The following METTL5 variants were observed in gnomAD, a reference collection of about 807,000 sequenced individuals.
METTL5 encodes methyltransferase 5, N6-adenosine, also known as rRNA N(6)-adenosine-methyltransferase METTL5.
METTL5 carries 28 observed loss-of-function variants against 26.5 expected under a neutral mutation model. The ratio of observed to expected loss-of-function variants is 1.06; its 90% CI spans 0.78 to 1.45. The LOEUF is 1.45. METTL5 is among the 40% of genes most tolerant of loss of function. METTL5 has a pLI of 0.00. For missense variants in METTL5, 231 were observed against 249.9 expected (o/e 0.92, Z 0.51); for synonymous variants, 86 against 82.6 (o/e 1.04, Z -0.22).
At position 169,824,600 on chromosome 2, in the gene METTL5, T is replaced by A. The variant is rs2081628557; in HGVS notation, c.-3A>T. 1 of 1,608,870 alleles carries A rather than the reference T, an allele frequency of 6.2e-7. No homozygotes were observed. The highest frequency in any genetic ancestry group is 1.7e-5 in the Admixed American group (1 of 60,008). ...TCCTTAAGCCTTACTTTCTTCATTT[T>A]GTTTTAAAGTATGGACTCGTAGGGT... On this transcript the variant is annotated 5_prime_UTR_variant, in exon 1 of 7. Transcript: ENST00000260953.
At chr2:169,815,950 C>A (rs1313731104) in intron 4 of METTL5, among the ~76,000 whole-genome samples, 1 of 152,038 alleles carries the variant, frequency 6.6e-6, no homozygotes, top group Non-Finnish European at 1.5e-5. Flanking sequence ...GTTACAATTG[C>A]CTGTAGTATT....
At chr2:169,817,129 G>C (rs569353328) in intron 4 of METTL5, among the ~76,000 whole-genome samples, 3 of 152,156 alleles carry the variant, frequency 2.0e-5, no homozygotes, top group South Asian at 2.1e-4. Context: ...CAAAAGATAT[G>C]AACAGACACT....
chr2:169,820,623 T>A (rs1179499974), intron 3 of METTL5, among the ~76,000 whole-genome samples: 1 of 152,266 alleles, frequency 6.6e-6, no homozygotes, highest in African/African-American at 2.4e-5. Flanking sequence ...ATTGGTTTAC[T>A]TAATGAAGAG....
At position 169,821,091 on chromosome 2, in the gene METTL5, C is replaced by T; in HGVS notation, c.406+1G>A. ...CAATATACCCGATTCTTGTTACAAACCTTTATTATTTTTGGTCCCAAAGGG... is the reference window on the plus strand; with the variant it reads ...CAATATACCCGATTCTTGTTACAAATCTTTATTATTTTTGGTCCCAAAGGG... On this transcript the variant is annotated splice_donor_variant, in intron 3 of 6. Coordinates refer to ENST00000260953, the MANE Select transcript of METTL5 (RefSeq NM_014168.4). LOFTEE classifies it high-confidence loss of function. 1 of 1,578,182 alleles carries T rather than the reference C, an allele frequency of 6.3e-7. No individual in the cohort carries two copies. Among genetic ancestry groups the T allele is most frequent in the Non-Finnish European group, 8.6e-7 (1 of 1,166,716 alleles).
chr2:169,821,945 T>C lies in METTL5; in HGVS notation c.222A>G (p.Ala74=), dbSNP rs1028940793. 9.3e-6 allele frequency: 15 copies of C among 1,613,346 alleles called. No individual in the cohort carries two copies. Among genetic ancestry groups the C allele is most frequent in the Non-Finnish European group, 1.3e-5 (15 of 1,179,798 alleles). ...VLSIGTAMLG[A]GLCVGFDIDE... is the part of the protein sequence containing the mutation. ...ATAGCATATATTGCATTACGTACCC[T>C]GCTCCTAACATTGCAGTTCCGATGC... Residue 74 remains alanine, a splice_region_variant and synonymous_variant, in exon 2 of 7, where the codon GCA becomes GCG. Transcript: ENST00000260953.
At chr2:169,821,712 CGGCA>C (rs2081587533) in intron 2 of METTL5, among the ~76,000 whole-genome samples, 1 of 152,094 alleles carries the variant, frequency 6.6e-6, no homozygotes, top group Non-Finnish European at 1.5e-5. Flanking sequence ...TTTCCAAACC[CGGCA>C]GGGGTTGGAA....
chr2:169,819,471 C>A (rs777168256), intron 4 of METTL5, 90 bp downstream of exon 4: 20 of 907,590 alleles, frequency 2.2e-5, no homozygotes, highest in Non-Finnish European at 3.2e-5. Context: ...GAAATAGATA[C>A]TGTGGTATCT....
At chr2:169,816,019 G>C (rs747905471) in intron 4 of METTL5, among the ~76,000 whole-genome samples, 7 of 152,174 alleles carry the variant, frequency 4.6e-5, no homozygotes, top group Non-Finnish European at 8.8e-5. Flanking sequence ...TAACCACAGA[G>C]CCTCGGTGGT....
rs753367173 is a variant in METTL5 at position 169,824,829 on chromosome 2, T to A, written c.-232A>T. The A allele has an allele frequency of 4.0e-5, 17 of 429,158 alleles. No individual in the cohort carries two copies. The highest frequency in any genetic ancestry group is 6.9e-5 in the Non-Finnish European group (16 of 233,086). 26.6% of individuals were successfully genotyped at this position (429,158 alleles called of 1,614,324 possible). A position where few individuals can be genotyped will look rare whatever the true frequency, so the allele number is the denominator to read the frequency against. On this transcript the variant is annotated 5_prime_UTR_variant, in exon 1 of 7. Transcript: ENST00000260953. ...CCAGGAGACGGCGGCGGCGCACTGC[T>A]GGAGCAGCCTCAGGATCCCTCGCGC...
At position 169,812,065 on chromosome 2, in the gene METTL5, C is replaced by A. The variant is rs1689981160; in HGVS notation, c.592-207G>T. 3 of 648,258 alleles carry A rather than the reference C, an allele frequency of 4.6e-6. No individual in the cohort carries two copies. In the South Asian group the frequency reaches 6.9e-5, roughly 15 times the overall value. The allele number at this position is 648,258 out of a possible 1,614,324, so 40.2% of individuals were successfully genotyped here. A position where few individuals can be genotyped will look rare whatever the true frequency, so the allele number is the denominator to read the frequency against. ...ATATACTATATGAAAAGAGCAAAAA[C>A]AGTTTTTGATTTTTTTTTTCTTTTT... is the stretch of plus-strand genomic sequence containing the variant. On this transcript the variant is annotated intron_variant, in intron 6 of 6. Transcript: ENST00000260953.
Position 169,824,653 on chromosome 2 carries a change from C to G in METTL5, c.-56G>C. The G allele has an allele frequency of 7.5e-7, 1 of 1,337,886 alleles. No homozygotes were observed. Among genetic ancestry groups the G allele is most frequent in the Non-Finnish European group, 1.1e-6 (1 of 928,686 alleles). 82.9% of individuals were successfully genotyped at this position (1,337,886 alleles called of 1,614,324 possible). On this transcript the variant is annotated 5_prime_UTR_variant, in exon 1 of 7. Transcript: ENST00000260953. ...GAAGGCACAGGATCTGCGGAGAAAT[C>G]TATTGAACTGGGATCTTGTTTCCTC...
chr2:169,812,463 C>A lies in METTL5; in HGVS notation c.585G>T (p.Lys195Asn). The change falls in exon 6 of 7, where the codon AAG becomes AAT. Residue 195 changes from lysine to asparagine, a missense_variant. By Grantham distance (94) the Lys-to-Asn change is moderately conservative (BLOSUM62 0). Coordinates refer to ENST00000260953, the MANE Select transcript of METTL5 (RefSeq NM_014168.4). ...DLPASYKFHK[K>N]KSVDIEVDLI... ...CCAAAATCAAGAGACTTACTGATTT[C>A]TTTTTGTGAAACTTGTATGATGCTG... 6.2e-7 allele frequency: 1 copy of A among 1,613,978 alleles called. No individual in the cohort carries two copies. Among genetic ancestry groups the A allele is most frequent in the East Asian group, 2.2e-5 (1 of 44,850 alleles).
intron 3 of METTL5, 142 bp from the exon 4 acceptor site, chr2:169,819,785 A>G: frequency 3.5e-6 from 2 of 566,262 alleles, no homozygotes; most frequent in Admixed American, 6.0e-5. Flanking sequence ...ATAAACTATC[A>G]AAATATTATT....
Position 169,821,161 on chromosome 2 carries a change from A to G in METTL5, c.337T>C (p.Ser113Pro), listed in dbSNP as rs1482432968. The change falls in exon 3 of 7, where the codon TCT (serine) becomes CCT (proline). Residue 113 changes from serine to proline, a missense_variant. Transcript: ENST00000260953. ...TCGAATGACTTGGACATTCTGTTAGATAATAAGCACACATCACATTGAACC... is the reference window on the plus strand; with the variant it reads ...TCGAATGACTTGGACATTCTGTTAGGTAATAAGCACACATCACATTGAACC... ...DMVQCDVCLLSNRMSKSFDTV... is the reference protein window; with the variant it reads ...DMVQCDVCLLPNRMSKSFDTV... The G allele has an allele frequency of 1.2e-6, 2 of 1,612,516 alleles. No individual in the cohort carries two copies. Among genetic ancestry groups the G allele is most frequent in the African/African-American group, 1.3e-5 (1 of 74,882 alleles).
intron 4 of METTL5, among the ~76,000 whole-genome samples, chr2:169,818,634 C>T (rs2081542294): frequency 6.6e-6 from 1 of 152,192 alleles, no homozygotes. Context: ...AAAAGGTTAT[C>T]ACATTACCAT....
intron 4 of METTL5, among the ~76,000 whole-genome samples, chr2:169,816,526 AT>A (rs1286243893): frequency 6.6e-6 from 1 of 152,238 alleles, no homozygotes; most frequent in Non-Finnish European, 1.5e-5. Context: ...TGGAAGCACC[AT>A]GCTACCTGAC....
intron 3 of METTL5, among the ~76,000 whole-genome samples, chr2:169,820,279 CCTCA>C (rs2081566995): frequency 6.6e-6 from 1 of 152,150 alleles, no homozygotes; most frequent in African/African-American, 2.4e-5. Flanking sequence ...CTTTTCCTAC[CCTCA>C]CTGACTTCCT....
intron 6 of METTL5, 76 bp downstream of exon 6, chr2:169,812,381 C>A: frequency 1.9e-6 from 3 of 1,611,294 alleles, no homozygotes; most frequent in Non-Finnish European, 2.5e-6. Context: ...GCTGGGATTA[C>A]AGGCATGAAC....
Position 169,824,564 on chromosome 2 carries a change from G to A in METTL5, c.34C>T (p.Arg12Cys), listed in dbSNP as rs1471698911. ...KKVRLKELESRLQQVDGFEKP... is the reference protein window; with the variant it reads ...KKVRLKELESCLQQVDGFEKP... ...TCAAATCCATCCACTTGTTGCAGGC[G>A]ACTCTCTAGTTCCTTAAGCCTTACT... The change falls in exon 1 of 7, where the codon CGC becomes TGC. Residue 12 changes from arginine to cysteine, a missense_variant. By Grantham distance (180) the Arg-to-Cys change is radical. Coordinates refer to ENST00000260953, the MANE Select transcript of METTL5 (RefSeq NM_014168.4). The A allele has an allele frequency of 6.2e-7, 1 of 1,614,154 alleles. No individual in the cohort carries two copies. Among genetic ancestry groups the A allele is most frequent in the Non-Finnish European group, 8.5e-7 (1 of 1,179,982 alleles).
Sources: allele counts gnomAD v4.1 joint callset (sites outside exome capture counted in the v4.1 genomes callset), GRCh38; gene constraint gnomAD v4.1.1; transcripts MANE v1.5; gene names NCBI Gene and HGNC (gene_info 2026-07-23, HGNC 2026-07-21).